ERCC6L2: variants seen among roughly 807,000 people sequenced by gnomAD.
ERCC6L2 encodes DNA excision repair protein ERCC-6-like 2.
ERCC6L2 carries 77 observed loss-of-function variants against 132.0 expected under a neutral mutation model. The ratio of observed to expected loss-of-function variants is 0.58; its 90% CI spans 0.49 to 0.71. ERCC6L2 has a LOEUF of 0.71. Among genes scored for constraint, ERCC6L2 ranks in the 30% least tolerant of loss-of-function variants. The probability of loss-of-function intolerance (pLI) is 0.00; values close to 1 mark genes in which losing one functional copy is unlikely to be tolerated. For missense variants in ERCC6L2, 1,542 were observed against 1,837.6 expected (o/e 0.84, Z 2.94); for synonymous variants, 583 against 632.4 (o/e 0.92, Z 1.17).
intron 17 of ERCC6L2, among the ~76,000 whole-genome samples, chr9:95,986,885 G>A (rs1833117711): frequency 1.3e-5 from 2 of 152,242 alleles, no homozygotes; most frequent in Admixed American, 6.5e-5. Context: ...TAAAGAAAAA[G>A]GTTTAATGGA....
intron 13 of ERCC6L2, among the ~76,000 whole-genome samples, chr9:95,959,306 C>G (rs1564263529): frequency 6.6e-6 from 1 of 151,622 alleles, no homozygotes; most frequent in Non-Finnish European, 1.5e-5. Flanking sequence ...ATAAATGGTG[C>G]TGGGAAAACT....
At chr9:96,020,855 G>A (rs1223990892), downstream of ERCC6L2, 12 of 456,652 alleles carry the variant, frequency 2.6e-5, no homozygotes, top group South Asian at 1.9e-4. Flanking sequence ...CAGCAGCAAC[G>A]TGGGCTGTTT....
At chr9:95,930,932 A>G (rs1164745224) in intron 11 of ERCC6L2, among the ~76,000 whole-genome samples, 2 of 152,164 alleles carry the variant, frequency 1.3e-5, no homozygotes, top group Non-Finnish European at 2.9e-5. Flanking sequence ...AAGGGTATTA[A>G]TGTTTTCAAT....
chr9:96,012,528 T>G lies in ERCC6L2; in HGVS notation c.3978T>G (p.Val1326=). The change falls in exon 19 of 19, where the codon GTT becomes GTG. Residue 1326 remains valine (V), a synonymous_variant. Coordinates refer to ENST00000653738, the MANE Select transcript of ERCC6L2 (RefSeq NM_020207.7). ...FKDSTNKISQ[V]CSLKTYKRKS... ...ATTCTACCAACAAAATTTCTCAAGTTTGCAGCCTAAAAACATATAAAAGAA... is the reference window on the plus strand; with the variant it reads ...ATTCTACCAACAAAATTTCTCAAGTGTGCAGCCTAAAAACATATAAAAGAA... 7.3e-7 allele frequency: 1 copy of G among 1,367,510 alleles called. No homozygotes were observed. Among genetic ancestry groups the G allele is most frequent in the South Asian group, 1.1e-5 (1 of 88,004 alleles). 84.7% of individuals were successfully genotyped at this position (1,367,510 alleles called of 1,614,324 possible).
intron 13 of ERCC6L2, among the ~76,000 whole-genome samples, chr9:95,956,852 A>G (rs193183761): frequency 1.7e-3 from 253 of 152,244 alleles, no homozygotes; most frequent in African/African-American, 5.7e-3. Flanking sequence ...CAGTGAAACC[A>G]TATCAGCTAG....
intron 3 of ERCC6L2, 39 bp from the exon 4 acceptor site, chr9:95,907,039 T>G (rs1190415061): frequency 6.7e-7 from 1 of 1,500,878 alleles, no homozygotes. Flanking sequence ...TCTTTTTCAG[T>G]TTTTAAAAAA....
intron 12 of ERCC6L2, chr9:95,954,841 G>A: frequency 2.1e-6 from 1 of 471,142 alleles, no homozygotes. Context: ...TGTGTCACAG[G>A]AGCCTCCATT....
chr9:95,888,304 G>C (rs531530012), intron 2 of ERCC6L2, among the ~76,000 whole-genome samples: 8 of 152,240 alleles, frequency 5.3e-5, no homozygotes, highest in Middle Eastern at 3.4e-3. Context: ...CTGACTCTGT[G>C]AGGAAAGATG....
At chr9:96,038,642 G>A (rs773068443) in intron 19 of ERCC6L2, among the ~76,000 whole-genome samples, 4 of 152,224 alleles carry the variant, frequency 2.6e-5, no homozygotes, top group Admixed American at 6.5e-5. Context: ...TGAAGGCTTC[G>A]CAAGGCAGCT....
intron 17 of ERCC6L2, among the ~76,000 whole-genome samples, chr9:95,985,109 C>T (rs1251278724): frequency 6.6e-6 from 1 of 152,184 alleles, no homozygotes. Context: ...CTTCAGGGAT[C>T]ACTCAGTTTC....
At chr9:95,965,358 G>A (rs1161526281) in intron 13 of ERCC6L2, among the ~76,000 whole-genome samples, 2 of 152,084 alleles carry the variant, frequency 1.3e-5, no homozygotes, top group East Asian at 1.9e-4. Context: ...GATGATATAA[G>A]GTTGTAAGGA....
At chr9:96,037,185 C>T (rs2133273278) in intron 19 of ERCC6L2, among the ~76,000 whole-genome samples, 1 of 152,356 alleles carries the variant, frequency 6.6e-6, no homozygotes, top group South Asian at 2.1e-4. Flanking sequence ...ACAACAAACA[C>T]TTCTGGAGCT....
intron 2 of ERCC6L2, among the ~76,000 whole-genome samples, chr9:95,892,779 G>A (rs556498584): frequency 5.3e-5 from 8 of 152,174 alleles, no homozygotes; most frequent in Admixed American, 3.3e-4. Flanking sequence ...TTGAAGCTCC[G>A]TTATTAGGGT....
At position 96,012,373 on chromosome 9, in the gene ERCC6L2, G is replaced by A. The variant is rs770975546; in HGVS notation, c.3823G>A (p.Val1275Met). ...SQYPEVKEFF[V>M]DSVSQFNNSS... ...ATATCCAGAGGTAAAAGAATTTTTT[G>A]TGGATTCTGTGTCACAATTCAACAA... is the stretch of plus-strand genomic sequence containing the variant. Residue 1275 changes from valine to methionine, a missense_variant, in exon 19 of 19, where the codon GTG becomes ATG. Around this residue, in one of 4 missense-constraint regions of ERCC6L2, gnomAD observed 442 missense variants for 583.4 expected, o/e 0.76. Transcript: ENST00000653738. The A allele has an allele frequency of 2.9e-6, 4 of 1,362,124 alleles. No homozygotes were observed. Among genetic ancestry groups the A allele is most frequent in the East Asian group, 4.6e-5 (1 of 21,872 alleles). 84.4% of individuals were successfully genotyped at this position (1,362,124 alleles called of 1,614,324 possible).
intron 19 of ERCC6L2, among the ~76,000 whole-genome samples, chr9:96,035,556 C>A (rs865855795): frequency 6.6e-6 from 1 of 152,218 alleles, no homozygotes; most frequent in South Asian, 2.1e-4. Flanking sequence ...GAGGAGCTAC[C>A]CTCTCCAGGG....
At chr9:95,908,902 T>C (rs888288524) in intron 4 of ERCC6L2, among the ~76,000 whole-genome samples, 2 of 152,144 alleles carry the variant, frequency 1.3e-5, no homozygotes, top group African/African-American at 4.8e-5. Context: ...TAAAATGATT[T>C]AGCATAGGAT....
chr9:96,033,087 C>T (rs1411139453), intron 19 of ERCC6L2, among the ~76,000 whole-genome samples: 1 of 152,104 alleles, frequency 6.6e-6, no homozygotes, highest in African/African-American at 2.4e-5. Flanking sequence ...GCTTATCTAC[C>T]AAATTATAAT....
At chr9:96,039,084 C>T (rs896377329) in exon 20 of ERCC6L2, among the ~76,000 whole-genome samples, 4 of 152,204 alleles carry the variant, frequency 2.6e-5, no homozygotes, top group East Asian at 1.9e-4. Context: ...TGCAACCTCA[C>T]GAGAGACCCA....
intron 16 of ERCC6L2, among the ~76,000 whole-genome samples, chr9:95,977,250 G>A (rs1234262496): frequency 6.6e-6 from 1 of 152,168 alleles, no homozygotes; most frequent in African/African-American, 2.4e-5. Context: ...GAAGGAGAAT[G>A]TTATGCTAGT....
Sources: gnomAD v4.1 joint callset for allele counts (sites outside exome capture counted in the v4.1 genomes callset) on GRCh38, gnomAD v4.1.1 for gene constraint, gnomAD v4.1.1 regional missense constraint, MANE v1.5 for transcripts, NCBI Gene and HGNC (gene_info 2026-07-23, HGNC 2026-07-21) for gene names.